Variants in C14orf132 observed in about 807,000 individuals in gnomAD.
C14orf132 encodes uncharacterized protein C14orf132.
Under a neutral mutation model 5.8 loss-of-function variants are expected in C14orf132, and 6 were observed. The ratio of observed to expected loss-of-function variants is 1.03; its 90% CI spans 0.57 to 2.04. The LOEUF is 2.04. C14orf132 is among the 30% of genes most tolerant of loss of function. C14orf132 has a pLI of 0.00. For synonymous variants in C14orf132, 51 were observed against 49.8 expected (o/e 1.02, Z -0.10); for missense variants, 125 against 115.8 (o/e 1.08, Z -0.37).
In C14orf132 at chr14:96,044,155, A is replaced by G. The variant is rs117207438; in HGVS notation, c.27+4628A>G. ...TCCATCCAGGCGGTTGTGTTTGTGT[A>G]CATTTTTATTTTATTATCATTATTC... is the stretch of plus-strand genomic sequence containing the variant. On this transcript the variant is annotated intron_variant, in intron 1 of 1. Coordinates refer to ENST00000555004, the MANE Select transcript of C14orf132 (RefSeq NM_001252507.3). Among the ~76,000 whole-genome samples the G allele has an allele frequency of 3.2e-3, 491 of 152,260 alleles. 1 individual carries two copies. Among genetic ancestry groups the G allele is most frequent in the Non-Finnish European group, 5.7e-3 (388 of 68,020 alleles).
chr14:96,053,948 A>T (rs1306647814), intron 1 of C14orf132, among the ~76,000 whole-genome samples: 1 of 152,126 alleles, frequency 6.6e-6, no homozygotes, highest in Admixed American at 6.5e-5. Flanking sequence ...TCTGCATAGG[A>T]GACCCTCAGG....
At chr14:96,070,071 G>A (rs1399538664) in intron 1 of C14orf132, among the ~76,000 whole-genome samples, 4 of 152,154 alleles carry the variant, frequency 2.6e-5, no homozygotes, top group Non-Finnish European at 4.4e-5. Context: ...ACTAAGCCAG[G>A]TAGATTTACT....
At chr14:96,048,817 C>T (rs1030854635) in intron 1 of C14orf132, among the ~76,000 whole-genome samples, 26 of 152,214 alleles carry the variant, frequency 1.7e-4, no homozygotes, top group African/African-American at 4.8e-4. Context: ...TGAGCCACCA[C>T]GCCCAGCCTG....
intron 1 of C14orf132, among the ~76,000 whole-genome samples, chr14:96,052,795 G>A (rs1278134283): frequency 6.6e-6 from 1 of 152,134 alleles, no homozygotes; most frequent in African/African-American, 2.4e-5. Flanking sequence ...AGCAGCACAG[G>A]CATTCTGCGC....
Position 96,086,824 on chromosome 14 carries a change from C to A in C14orf132, c.*89C>A. On this transcript the variant is annotated 3_prime_UTR_variant, in exon 2 of 2. Coordinates refer to ENST00000555004, the MANE Select transcript of C14orf132 (RefSeq NM_001252507.3). Reference sequence around the variant, plus strand: ...CTTTGGCTTCTCCTGTGTTCTAGAACCAGGAGTTTTGACCAGGGGCGGCGG... The same window carrying A: ...CTTTGGCTTCTCCTGTGTTCTAGAAACAGGAGTTTTGACCAGGGGCGGCGG... The A allele has an allele frequency of 7.5e-7, 1 of 1,338,462 alleles. No homozygotes were observed. Among genetic ancestry groups the A allele is most frequent in the African/African-American group, 1.5e-5 (1 of 68,570 alleles). 82.9% of individuals were successfully genotyped at this position (1,338,462 alleles called of 1,614,324 possible). A position where few individuals can be genotyped will look rare whatever the true frequency, so the allele number is the denominator to read the frequency against.
rs1429610846 is a variant in C14orf132, at chr14:96,088,191, C to T, written c.*1456C>T. 1 of 152,172 alleles carries T rather than the reference C, an allele frequency of 6.6e-6. No individual in the cohort carries two copies. The highest frequency in any genetic ancestry group is 1.5e-5 in the Non-Finnish European group (1 of 68,046). 9.4% of individuals were successfully genotyped at this position (152,172 alleles called of 1,614,324 possible). On this transcript the variant is annotated 3_prime_UTR_variant, in exon 2 of 2. Coordinates refer to ENST00000555004, the MANE Select transcript of C14orf132 (RefSeq NM_001252507.3). ...AGAAAGCTGGACTTGCCGCTGTGGT[C>T]TCAGGAGAAATGAGTGTTCTTGATG...
In C14orf132 at chr14:96,051,152, A is replaced by C. The variant is rs1887014708; in HGVS notation, c.27+11625A>C. ...AAGTGAGCCTGGGGAATAACAAGTGAGGATGCCAAATCATGCATGGACCAG... is the reference window on the plus strand; with the variant it reads ...AAGTGAGCCTGGGGAATAACAAGTGCGGATGCCAAATCATGCATGGACCAG... On this transcript the variant is annotated intron_variant, in intron 1 of 1. Coordinates refer to ENST00000555004, the MANE Select transcript of C14orf132 (RefSeq NM_001252507.3). 7.5e-6 allele frequency: 3 copies of C among 398,676 alleles called. No homozygotes were observed. In the East Asian group the frequency reaches 1.1e-4, roughly 14 times the overall value. The allele number at this position is 398,676 out of a possible 1,614,324, so 24.7% of individuals were successfully genotyped here. A position where few individuals can be genotyped will look rare whatever the true frequency, so the allele number is the denominator to read the frequency against.
At position 96,066,298 on chromosome 14, in the gene C14orf132, G is replaced by T. The variant is rs1256297021; in HGVS notation, c.28-20213G>T. ...GCCTTTCTGTCCCCGCAGGGCAAGT[G>T]CTTCTTCCATTATTGCTAATCTAAG... On this transcript the variant is annotated intron_variant, in intron 1 of 1. Transcript: ENST00000555004. 2.6e-5 allele frequency among the ~76,000 whole-genome samples: 4 copies of T among 152,156 alleles called. No individual in the cohort carries two copies. The East Asian group carries it at 5.8e-4, about 22-fold the overall frequency.
At chr14:96,043,844 C>T (rs1886760671) in intron 1 of C14orf132, among the ~76,000 whole-genome samples, 1 of 152,182 alleles carries the variant, frequency 6.6e-6, no homozygotes, top group African/African-American at 2.4e-5. Flanking sequence ...ATGTTTGGGC[C>T]CAGAGTGACA....
At chr14:96,072,952 G>A (rs1362070159) in intron 1 of C14orf132, among the ~76,000 whole-genome samples, 1 of 152,208 alleles carries the variant, frequency 6.6e-6, no homozygotes, top group Non-Finnish European at 1.5e-5. Flanking sequence ...TTGCACACAG[G>A]TTTTTGGTGA....
At chr14:96,066,936 T>C (rs1887550893) in intron 1 of C14orf132, among the ~76,000 whole-genome samples, 1 of 152,196 alleles carries the variant, frequency 6.6e-6, no homozygotes, top group Non-Finnish European at 1.5e-5. Context: ...TAGGAGTTGG[T>C]AGATCTAGAG....
chr14:96,061,818 G>A (rs1887366313), intron 1 of C14orf132, among the ~76,000 whole-genome samples: 1 of 152,086 alleles, frequency 6.6e-6, no homozygotes, highest in African/African-American at 2.4e-5. Context: ...GCTGAGGCAG[G>A]AGGATTGCTT....
At chr14:96,057,385 A>G (rs74830201) in intron 1 of C14orf132, among the ~76,000 whole-genome samples, 2,646 of 152,210 alleles carry the variant, frequency 0.017, 72 homozygotes, top group African/African-American at 0.06. Context: ...GGACTTCCTA[A>G]CCTCCAGAAC....
rs189220433 is a variant in C14orf132 at position 96,064,608 on chromosome 14, A to G, written c.28-21903A>G. Among the ~76,000 whole-genome samples, 34 of 152,046 alleles carry G rather than the reference A, an allele frequency of 2.2e-4. No homozygotes were observed. The East Asian group carries it at 6.2e-3, about 28-fold the overall frequency. ...CCAAACATCATATGTTCTCACTGGT[A>G]TGTGGGAGCTAAGCTGTGGGGATGC... On this transcript the variant is annotated intron_variant, in intron 1 of 1. Coordinates refer to ENST00000555004, the MANE Select transcript of C14orf132 (RefSeq NM_001252507.3).
chr14:96,086,008 A>G (rs1888171396), intron 1 of C14orf132, among the ~76,000 whole-genome samples: 1 of 152,014 alleles, frequency 6.6e-6, no homozygotes, highest in Non-Finnish European at 1.5e-5. Context: ...ACACACACAC[A>G]CACACAGAGG....
intron 1 of C14orf132, among the ~76,000 whole-genome samples, chr14:96,070,596 T>TCTCACACA (rs755530241): frequency 0.02 from 2,890 of 142,586 alleles, 53 homozygotes; most frequent in Middle Eastern, 0.05. Flanking sequence ...TCTCTCTCTC[T>TCTCACACA]CACACACACA....
chr14:96,064,831 A>T (rs8008294), intron 1 of C14orf132, among the ~76,000 whole-genome samples: 12,653 of 152,110 alleles, frequency 0.083, 881 homozygotes, highest in African/African-American at 0.19. Flanking sequence ...AAATAAAATT[A>T]AAAAAATTAA....
At chr14:96,086,335 C>T (rs1176856533) in intron 1 of C14orf132, among the ~76,000 whole-genome samples, 176 bp from the exon 2 acceptor site, 4 of 152,154 alleles carry the variant, frequency 2.6e-5, no homozygotes, top group Non-Finnish European at 5.9e-5. Context: ...GCTGTGAACA[C>T]TGATTTTTAT....
At chr14:96,073,931 A>G (rs902619470) in intron 1 of C14orf132, among the ~76,000 whole-genome samples, 1 of 152,222 alleles carries the variant, frequency 6.6e-6, no homozygotes, top group South Asian at 2.1e-4. Flanking sequence ...GCAAACTAAC[A>G]CAGAAACAGA....
Sources: allele counts gnomAD v4.1 joint callset (sites outside exome capture counted in the v4.1 genomes callset), GRCh38; gene constraint gnomAD v4.1.1; transcripts MANE v1.5; gene names NCBI Gene and HGNC (gene_info 2026-07-23, HGNC 2026-07-21).